MAP3K20: variants seen among roughly 807,000 people sequenced by gnomAD.
MAP3K20 encodes mitogen-activated protein kinase kinase kinase 20.
Under a neutral mutation model 85.7 loss-of-function variants are expected in MAP3K20, and 40 were observed. That is an observed-to-expected ratio of 0.47 (90% confidence interval 0.36 to 0.61). The LOEUF (loss-of-function observed/expected upper bound fraction) is 0.61. Among genes scored for constraint, MAP3K20 ranks in the 20% least tolerant of loss-of-function variants. The pLI, the probability that MAP3K20 is intolerant of heterozygous loss-of-function variation, is 0.00. For synonymous variants in MAP3K20, 325 were observed against 327.7 expected (o/e 0.99, Z 0.09); for missense variants, 817 against 961.7 (o/e 0.85, Z 1.99).
At chr2:173,232,064 A>G (rs926063143) in intron 12 of MAP3K20, 128 bp from the exon 13 acceptor site, 4 of 1,173,360 alleles carry the variant, frequency 3.4e-6, no homozygotes, top group African/African-American at 3.1e-5. Flanking sequence ...AAAGTCTTCT[A>G]TTTTACCTTT....
At chr2:173,137,900 A>G (rs1045576275) in intron 2 of MAP3K20, among the ~76,000 whole-genome samples, 3 of 152,228 alleles carry the variant, frequency 2.0e-5, no homozygotes, top group Admixed American at 2.0e-4. Context: ...TTTCTACTTT[A>G]ACCATCCTCA....
intron 19 of MAP3K20, among the ~76,000 whole-genome samples, chr2:173,265,486 C>G (rs563087083): frequency 6.6e-6 from 1 of 152,200 alleles, no homozygotes; most frequent in African/African-American, 2.4e-5. Flanking sequence ...GACACGTGAA[C>G]GGTCTTTCTT....
intron 2 of MAP3K20, among the ~76,000 whole-genome samples, chr2:173,120,020 C>T (rs1207536771): frequency 1.3e-5 from 2 of 152,042 alleles, no homozygotes; most frequent in Non-Finnish European, 2.9e-5. Flanking sequence ...ACAAGCAAAG[C>T]CCCCTCCCTC....
intron 2 of MAP3K20, among the ~76,000 whole-genome samples, chr2:173,092,165 G>A (rs1380988510): frequency 6.6e-6 from 1 of 152,158 alleles, no homozygotes; most frequent in Non-Finnish European, 1.5e-5. Context: ...CTGTGTAATT[G>A]TGTGATCACC....
chr2:173,218,077 G>A (rs1383505565), intron 11 of MAP3K20, among the ~76,000 whole-genome samples: 1 of 152,052 alleles, frequency 6.6e-6, no homozygotes, highest in African/African-American at 2.4e-5. Flanking sequence ...CCAAGTAATG[G>A]TAGATTAAAA....
Position 173,229,683 on chromosome 2 carries a change from A to T in MAP3K20, c.988-6A>T, listed in dbSNP as rs765624637. The T allele has an allele frequency of 6.2e-7, 1 of 1,613,960 alleles. No homozygotes were observed. The highest frequency in any genetic ancestry group is 8.5e-7 in the Non-Finnish European group (1 of 1,179,982). The stretch of plus-strand genomic sequence containing the variant: ...TTTTTTCATTTCATGCATATTTCCC[A>T]TGCAGCTGCTGCCTTCCTTTGAGAT... On this transcript the variant is annotated splice_region_variant and splice_polypyrimidine_tract_variant and intron_variant, in intron 11 of 19. Coordinates refer to ENST00000375213, the MANE Select transcript of MAP3K20 (RefSeq NM_016653.3).
chr2:173,245,116 A>G (rs1684883531), intron 16 of MAP3K20, among the ~76,000 whole-genome samples: 1 of 152,104 alleles, frequency 6.6e-6, no homozygotes, highest in South Asian at 2.1e-4. Flanking sequence ...TGCATTTGAG[A>G]AGGACCACCC....
chr2:173,220,533 T>TAAATAGTATTAC (rs1182817598), intron 11 of MAP3K20, among the ~76,000 whole-genome samples: 5 of 152,214 alleles, frequency 3.3e-5, no homozygotes, highest in African/African-American at 1.2e-4. Flanking sequence ...ATAATTTGAA[T>TAAATAGTATTAC]AAATAGTATT....
At chr2:173,235,714 T>C (rs1684632440) in intron 14 of MAP3K20, among the ~76,000 whole-genome samples, 1 of 152,212 alleles carries the variant, frequency 6.6e-6, no homozygotes, top group Non-Finnish European at 1.5e-5. Flanking sequence ...CACTTTAAAA[T>C]GGTTAATTTT....
intron 2 of MAP3K20, among the ~76,000 whole-genome samples, chr2:173,134,414 A>ATTTTTT (rs1290040694): frequency 1.1e-3 from 7 of 6,124 alleles, no homozygotes; most frequent in Non-Finnish European, 1.9e-3. Flanking sequence ...ATATATATAT[A>ATTTTTT]TATATATATA....
intron 2 of MAP3K20, among the ~76,000 whole-genome samples, chr2:173,162,704 A>C (rs2106241585): frequency 6.6e-6 from 1 of 152,012 alleles, no homozygotes; most frequent in Admixed American, 6.6e-5. Context: ...AAAAAAAAAA[A>C]AATTGGTGAG....
intron 2 of MAP3K20, among the ~76,000 whole-genome samples, chr2:173,118,741 A>C (rs1020209404): frequency 9.2e-5 from 14 of 152,212 alleles, no homozygotes; most frequent in African/African-American, 2.4e-4. Flanking sequence ...CATGATAGGT[A>C]ACCATCATTT....
In MAP3K20 at chr2:173,263,909, C is replaced by T; in HGVS notation, c.1702+14C>T. ...GGTCCGACTCAAGTAAGTTAGTGTT[C>T]CCGTATTAGATGTGTGCTAGATTCC... On this transcript the variant is annotated intron_variant, in intron 19 of 19. Transcript: ENST00000375213. The T allele has an allele frequency of 6.2e-7, 1 of 1,604,348 alleles. No homozygotes were observed. The highest frequency in any genetic ancestry group is 8.5e-7 in the Non-Finnish European group (1 of 1,177,260).
At chr2:173,184,234 T>G (rs6433398) in intron 4 of MAP3K20, among the ~76,000 whole-genome samples, 22,861 of 152,216 alleles carry the variant, frequency 0.15, 2,193 homozygotes, top group African/African-American at 0.26. Context: ...GGAGGCTGCC[T>G]GAGCATTGTG....
intron 2 of MAP3K20, among the ~76,000 whole-genome samples, chr2:173,112,084 T>A (rs1402758966): frequency 6.6e-6 from 1 of 152,210 alleles, no homozygotes; most frequent in Non-Finnish European, 1.5e-5. Flanking sequence ...CATCTATGAT[T>A]TCTTTCGGCA....
intron 2 of MAP3K20, among the ~76,000 whole-genome samples, chr2:173,124,230 T>C (rs1209832383): frequency 6.6e-6 from 1 of 152,220 alleles, no homozygotes; most frequent in African/African-American, 2.4e-5. Context: ...ACCAACTCTG[T>C]ATTAGAGTTC....
chr2:173,111,805 C>G (rs1687983051), intron 2 of MAP3K20, among the ~76,000 whole-genome samples: 1 of 152,154 alleles, frequency 6.6e-6, no homozygotes, highest in Non-Finnish European at 1.5e-5. Context: ...GGACCAGTGT[C>G]ATGCTGTTTT....
chr2:173,161,947 A>C (rs1030420145), intron 2 of MAP3K20, among the ~76,000 whole-genome samples: 2 of 152,196 alleles, frequency 1.3e-5, no homozygotes, highest in East Asian at 1.9e-4. Context: ...CCTAGGGAGA[A>C]TCTTTCCATG....
At chr2:173,199,222 C>G (rs928217935) in intron 8 of MAP3K20, among the ~76,000 whole-genome samples, 4 of 152,114 alleles carry the variant, frequency 2.6e-5, no homozygotes, top group Non-Finnish European at 4.4e-5. Flanking sequence ...TAGGAGAAAC[C>G]AAGTTTCCAT....
Sources: allele counts gnomAD v4.1 joint callset (sites outside exome capture counted in the v4.1 genomes callset), GRCh38; gene constraint gnomAD v4.1.1; transcripts MANE v1.5; gene names NCBI Gene and HGNC (gene_info 2026-07-23, HGNC 2026-07-21).